NEBL: variants seen among roughly 807,000 people sequenced by gnomAD.
NEBL encodes the protein LIM and SH3 protein 2.
NEBL carries 122 observed loss-of-function variants against 140.2 expected under a neutral mutation model. The ratio of observed to expected loss-of-function variants is 0.87; its 90% confidence interval spans 0.75 to 1.01. The LOEUF (loss-of-function observed/expected upper bound fraction) is 1.01, where lower values mean the gene tolerates loss of function less well. Ranked by LOEUF, NEBL falls within the 50% of genes least tolerant of loss-of-function variation. The pLI is 0.00. For synonymous variants in NEBL, 436 were observed against 398.9 expected, an observed-to-expected ratio of 1.09 and a Z score of -1.11; for missense variants, 1,365 against 1,231.3, an observed-to-expected ratio of 1.11 and a Z score of -1.62.
upstream of NEBL, among the ~76,000 whole-genome samples, chr10:21,175,707 C>A (rs144748059): frequency 1.3e-5 from 2 of 152,230 alleles, no homozygotes; most frequent in East Asian, 3.9e-4. Context: ...ACCTCAAAAG[C>A]AAATAAAATG....
Position 21,212,418 on chromosome 10 carries a change from G to A in NEBL, n.348+35503C>T, listed in dbSNP as rs147726092. On this transcript the variant is annotated intron_variant and non_coding_transcript_variant, in intron 3 of 8. Transcript: ENST00000675702. ...AAGATTTCGAACACCCAGCGCTAAC[G>A]TCTGGACAGCGCCTACCCCTCCTCA... Among the ~76,000 whole-genome samples the A allele has an allele frequency of 1.2e-4, 19 of 152,242 alleles. No individual in the cohort carries two copies. In the East Asian group the frequency reaches 2.3e-3, roughly 19 times the overall value.
intron 2 of NEBL, among the ~76,000 whole-genome samples, chr10:21,151,075 G>A (rs1361654896): frequency 6.6e-6 from 1 of 152,324 alleles, no homozygotes; most frequent in Non-Finnish European, 1.5e-5. Flanking sequence ...AAATGAGGGA[G>A]AGCAAAGAAA....
chr10:21,020,266 C>A, intron 2 of NEBL: 1 of 1,420,760 alleles, frequency 7.0e-7, no homozygotes, highest in Non-Finnish European at 9.9e-7. Context: ...ACTTTCACAC[C>A]CATTGTTTTG....
intron 2 of NEBL, among the ~76,000 whole-genome samples, chr10:20,892,694 G>A (rs946736616): frequency 1.3e-5 from 2 of 152,172 alleles, no homozygotes; most frequent in African/African-American, 2.4e-5. Context: ...TTACAATTAG[G>A]ATGAATTTAG....
intron 2 of NEBL, among the ~76,000 whole-genome samples, chr10:21,105,415 C>G (rs1270308960): frequency 6.6e-6 from 1 of 151,994 alleles, no homozygotes; most frequent in Non-Finnish European, 1.5e-5. Context: ...CAACTTCCAC[C>G]TATAAGTGAG....
intron 4 of NEBL, among the ~76,000 whole-genome samples, chr10:20,907,121 A>G (rs1049596654): frequency 1.3e-5 from 2 of 152,166 alleles, no homozygotes; most frequent in Admixed American, 6.6e-5. Flanking sequence ...CTATTTTTCA[A>G]TTTGATCATA....
At chr10:21,074,752 A>T (rs1393116940) in intron 2 of NEBL, among the ~76,000 whole-genome samples, 1 of 150,824 alleles carries the variant, frequency 6.6e-6, no homozygotes, top group African/African-American at 2.4e-5. Context: ...TGCTGGGATT[A>T]TAGGCGTGAG....
chr10:20,990,502 A>T (rs1837417383), intron 3 of NEBL, among the ~76,000 whole-genome samples: 1 of 152,298 alleles, frequency 6.6e-6, no homozygotes, highest in South Asian at 2.1e-4. Flanking sequence ...AACCAGCAAG[A>T]GGGCCCTCAC....
At chr10:21,143,697 C>T (rs1298966937) in intron 2 of NEBL, among the ~76,000 whole-genome samples, 1 of 151,970 alleles carries the variant, frequency 6.6e-6, no homozygotes, top group Non-Finnish European at 1.5e-5. Context: ...CAAACCACCC[C>T]ACTTCCCCAG....
intron 4 of NEBL, among the ~76,000 whole-genome samples, chr10:20,954,636 T>A (rs1262771910): frequency 6.6e-6 from 1 of 151,926 alleles, no homozygotes; most frequent in African/African-American, 2.4e-5. Context: ...AAGGCCAGAG[T>A]CCCCTGCTAG....
intron 3 of NEBL, among the ~76,000 whole-genome samples, chr10:20,888,414 C>T (rs968125996): frequency 2.2e-4 from 33 of 152,154 alleles, no homozygotes; most frequent in African/African-American, 6.0e-4. Context: ...AGAACGCTTT[C>T]AATGAGACAT....
chr10:20,948,736 A>G (rs1200357386), intron 4 of NEBL, among the ~76,000 whole-genome samples: 1 of 152,182 alleles, frequency 6.6e-6, no homozygotes, highest in African/African-American at 2.4e-5. Context: ...AACCTGCAGG[A>G]TTCTTAATAT....
chr10:21,263,334 G>A (rs548296257), intron 1 of NEBL, among the ~76,000 whole-genome samples: 2 of 152,120 alleles, frequency 1.3e-5, no homozygotes, highest in East Asian at 3.9e-4. Context: ...GCGGACTAGT[G>A]TCCTAAAGAA....
chr10:20,828,763 C>G, intron 16 of NEBL, 129 bp from the exon 17 acceptor site: 1 of 655,432 alleles, frequency 1.5e-6, no homozygotes, highest in South Asian at 1.7e-5. Flanking sequence ...GACTTACACT[C>G]CCAGAGAGAG....
intron 2 of NEBL, among the ~76,000 whole-genome samples, chr10:21,038,724 C>G (rs1033131552): frequency 7.2e-5 from 11 of 152,116 alleles, no homozygotes; most frequent in African/African-American, 2.4e-4. Flanking sequence ...TGAGTATATA[C>G]GCAGTAATGG....
chr10:21,253,835 G>A (rs542357123), intron 1 of NEBL, among the ~76,000 whole-genome samples: 8 of 151,920 alleles, frequency 5.3e-5, no homozygotes, highest in Admixed American at 3.9e-4. Flanking sequence ...TGAGCCACTC[G>A]CACCTGGCCA....
Position 21,259,912 on chromosome 10 carries a change from C to G in NEBL, n.183-8084G>C, listed in dbSNP as rs1178113969. On this transcript the variant is annotated intron_variant and non_coding_transcript_variant, in intron 1 of 8. Coordinates refer to the NEBL transcript ENST00000675702. ...TTTGAGTGGCGGAGGAAGCATGTCACCCTGAAGGCAGTTGGCAGCCACTTT... is the reference window on the plus strand; with the variant it reads ...TTTGAGTGGCGGAGGAAGCATGTCAGCCTGAAGGCAGTTGGCAGCCACTTT... 2.6e-5 allele frequency among the ~76,000 whole-genome samples: 4 copies of G among 152,306 alleles called. No individual in the cohort carries two copies. The East Asian group carries it at 7.7e-4, about 29-fold the overall frequency.
At chr10:20,816,763 G>A (rs1838754885) in intron 21 of NEBL, among the ~76,000 whole-genome samples, 1 of 152,110 alleles carries the variant, frequency 6.6e-6, no homozygotes, top group Admixed American at 6.6e-5. Context: ...CAGGGAATCG[G>A]AGCAGGCCAC....
chr10:20,987,172 A>T (rs1373554080), intron 3 of NEBL, among the ~76,000 whole-genome samples: 1 of 152,136 alleles, frequency 6.6e-6, no homozygotes, highest in Non-Finnish European at 1.5e-5. Flanking sequence ...GTAAACCTAC[A>T]AACAAGATCA....
Sources: gnomAD v4.1 joint callset for allele counts (sites outside exome capture counted in the v4.1 genomes callset) on GRCh38, gnomAD v4.1.1 for gene constraint, MANE v1.5 for transcripts, NCBI Gene and HGNC (gene_info 2026-07-23, HGNC 2026-07-21) for gene names.